The following ENTREP2 variants were observed in gnomAD, a reference collection of about 807,000 sequenced individuals.
ENTREP2 encodes the protein endosomal transmembrane epsin interactor 2.
chr15:29,366,168 G>T, the ENTREP2 span, among the ~76,000 whole-genome samples: 1 of 152,142 alleles, frequency 6.6e-6, no homozygotes, highest in East Asian at 1.9e-4. Context: ...CCGCCTCCCA[G>T]GTTCAAGCGA....
chr15:29,182,796 A>G, the ENTREP2 span, among the ~76,000 whole-genome samples: 1 of 152,094 alleles, frequency 6.6e-6, no homozygotes, highest in African/African-American at 2.4e-5. Flanking sequence ...CAGAACCAGT[A>G]TTTCCCGTAA....
At chr15:29,480,008 A>C in the ENTREP2 span, among the ~76,000 whole-genome samples, 1 of 152,148 alleles carries the variant, frequency 6.6e-6, no homozygotes, top group South Asian at 2.1e-4. Context: ...TGGATTTTTC[A>C]GTCTCATGTG....
chr15:29,408,166 CT>C, the ENTREP2 span, among the ~76,000 whole-genome samples: 1 of 152,092 alleles, frequency 6.6e-6, no homozygotes, highest in African/African-American at 2.4e-5. Context: ...CCAGAGTGGT[CT>C]GATTCATCAG....
At chr15:29,320,144 A>G in the ENTREP2 span, among the ~76,000 whole-genome samples, 1 of 152,160 alleles carries the variant, frequency 6.6e-6, no homozygotes, top group Non-Finnish European at 1.5e-5. Context: ...TTAAGGTGAT[A>G]GCCCAGAGAT....
At chr15:29,490,124 T>A in the ENTREP2 span, among the ~76,000 whole-genome samples, 1 of 152,220 alleles carries the variant, frequency 6.6e-6, no homozygotes, top group Non-Finnish European at 1.5e-5. Flanking sequence ...TCGGTCTCAC[T>A]GACTTCAAGA....
chr15:29,264,275 G>C, the ENTREP2 span, among the ~76,000 whole-genome samples: 4 of 152,084 alleles, frequency 2.6e-5, 1 homozygote, highest in Non-Finnish European at 5.9e-5. Flanking sequence ...GGCCAAATCA[G>C]GGACAATTTG....
the ENTREP2 span, among the ~76,000 whole-genome samples, chr15:29,372,704 G>A: frequency 6.6e-6 from 1 of 152,260 alleles, no homozygotes; most frequent in Admixed American, 6.5e-5. Context: ...CAAATAATAT[G>A]TGAAAATAAG....
the ENTREP2 span, among the ~76,000 whole-genome samples, chr15:29,473,110 T>C: frequency 6.6e-6 from 1 of 152,116 alleles, no homozygotes; most frequent in Non-Finnish European, 1.5e-5. Context: ...GTTTACCTGT[T>C]GGACAGGACG....
the ENTREP2 span, among the ~76,000 whole-genome samples, chr15:29,170,827 A>G: frequency 3.6e-4 from 55 of 152,288 alleles, no homozygotes; most frequent in South Asian, 0.011. Context: ...CACCCCATCT[A>G]AAGCATTCTG....
chr15:29,668,016 G>T, the ENTREP2 span, among the ~76,000 whole-genome samples: 28 of 152,160 alleles, frequency 1.8e-4, no homozygotes, highest in Middle Eastern at 3.4e-3. Context: ...AAGGAGAGAA[G>T]ACACCCATTG....
the ENTREP2 span, among the ~76,000 whole-genome samples, chr15:29,298,362 GA>G: frequency 6.7e-6 from 1 of 148,596 alleles, no homozygotes; most frequent in Non-Finnish European, 1.5e-5. Flanking sequence ...TCAGAAAAGA[GA>G]AAAAAAAGGA....
chr15:29,364,050 CT>C, the ENTREP2 span, among the ~76,000 whole-genome samples: 2 of 151,976 alleles, frequency 1.3e-5, no homozygotes, highest in Admixed American at 1.3e-4. Flanking sequence ...TGGGAACCCT[CT>C]TTTTTTTGAG....
chr15:29,344,196 G>A, the ENTREP2 span, among the ~76,000 whole-genome samples: 1 of 152,242 alleles, frequency 6.6e-6, no homozygotes, highest in Non-Finnish European at 1.5e-5. Context: ...TGGCTGGGGA[G>A]ACTTTCCAGG....
chr15:29,418,367 C>T, the ENTREP2 span, among the ~76,000 whole-genome samples: 1 of 152,088 alleles, frequency 6.6e-6, no homozygotes, highest in Non-Finnish European at 1.5e-5. Context: ...TTCCTCGACC[C>T]AGAAGGACAA....
At chr15:29,425,201 T>G in the ENTREP2 span, among the ~76,000 whole-genome samples, 801 of 149,406 alleles carry the variant, frequency 5.4e-3, 10 homozygotes, top group African/African-American at 0.019. Flanking sequence ...GGTTTTTTGT[T>G]TTTTTTTTTG....
At chr15:29,657,193 G>T in the ENTREP2 span, among the ~76,000 whole-genome samples, 1 of 150,116 alleles carries the variant, frequency 6.7e-6, no homozygotes, top group South Asian at 2.1e-4. Flanking sequence ...GACTACACGC[G>T]CCCACCACCA....
chr15:29,150,918 C>T, the ENTREP2 span, among the ~76,000 whole-genome samples: 2 of 152,086 alleles, frequency 1.3e-5, no homozygotes, highest in East Asian at 1.9e-4. Context: ...AGAAAGAGAC[C>T]GAGGCAGAAA....
the ENTREP2 span, among the ~76,000 whole-genome samples, chr15:29,386,238 G>A: frequency 6.6e-6 from 1 of 152,180 alleles, no homozygotes; most frequent in South Asian, 2.1e-4. Context: ...CAAGCTGCCT[G>A]CAGATGGCAA....
At chr15:29,371,193 T>C in the ENTREP2 span, among the ~76,000 whole-genome samples, 1 of 152,074 alleles carries the variant, frequency 6.6e-6, no homozygotes, top group African/African-American at 2.4e-5. Context: ...CTCTTGAGCC[T>C]GCTTCATCCC....
Sources: gnomAD v4.1 joint callset for allele counts (sites outside exome capture counted in the v4.1 genomes callset) on GRCh38, gnomAD v4.1.1 for gene constraint, MANE v1.5 for transcripts, NCBI Gene and HGNC (gene_info 2026-07-23, HGNC 2026-07-21) for gene names.